The following C7orf57 variants were observed in gnomAD, a reference collection of about 807,000 sequenced individuals.
C7orf57 encodes chromosome 7 open reading frame 57.
C7orf57 carries 33 observed loss-of-function variants against 39.0 expected under a neutral mutation model. That is an observed-to-expected ratio of 0.85 (90% CI 0.64 to 1.13). The LOEUF is 1.13. Among genes scored for constraint, C7orf57 ranks in the 50% most tolerant of loss-of-function variants. The pLI is 0.00. For synonymous variants in C7orf57, 124 were observed against 137.1 expected, an observed-to-expected ratio of 0.90 and a Z score of 0.67; for missense variants, 346 against 362.3, an observed-to-expected ratio of 0.95 and a Z score of 0.37.
chr7:48,040,031 G>A (rs536512136), intron 2 of C7orf57, among the ~76,000 whole-genome samples: 6 of 152,072 alleles, frequency 3.9e-5, no homozygotes, highest in African/African-American at 1.4e-4. Flanking sequence ...AGTTGTCTGA[G>A]TGCCCCAGAT....
At position 48,052,906 on chromosome 7, in the gene C7orf57, G is replaced by T; in HGVS notation, c.812G>T (p.Gly271Val). 1 of 1,613,708 alleles carries T rather than the reference G, an allele frequency of 6.2e-7. No individual in the cohort carries two copies. The change falls in exon 7 of 9, where the codon GGT becomes GTT. Residue 271 changes from glycine (G) to valine (V), a missense_variant. Gly to Val is a moderately radical substitution (Grantham distance 109, BLOSUM62 -3). Transcript: ENST00000348904. Reference protein sequence around the residue: ...ARLQDAEASEGPEDTPESSQS... With the variant: ...ARLQDAEASEVPEDTPESSQS... ...CTCCAGGATGCAGAGGCTTCTGAAGGTCCTGAGGACACCCCAGGTGAGGCA... is the reference window on the plus strand; with the variant it reads ...CTCCAGGATGCAGAGGCTTCTGAAGTTCCTGAGGACACCCCAGGTGAGGCA...
rs1477337561 is a variant in C7orf57 at position 48,060,716 on chromosome 7, T to C, written c.*444T>C. ...GTTACAGAAAAATTTAACTCCAGAA[T>C]ATGGTGATACAGTTTATGTTAAGAA... is the stretch of plus-strand genomic sequence containing the variant. On this transcript the variant is annotated 3_prime_UTR_variant, in exon 9 of 9. Transcript: ENST00000348904. 1 of 152,644 alleles carries C rather than the reference T, an allele frequency of 6.6e-6. No individual in the cohort carries two copies. Among genetic ancestry groups the C allele is most frequent in the Non-Finnish European group, 1.5e-5 (1 of 68,326 alleles). 9.5% of individuals were successfully genotyped at this position (152,644 alleles called of 1,614,324 possible). A position where few individuals can be genotyped will look rare whatever the true frequency, so the allele number is the denominator to read the frequency against.
chr7:48,038,127 T>C (rs927930106), intron 2 of C7orf57, among the ~76,000 whole-genome samples: 2 of 152,230 alleles, frequency 1.3e-5, no homozygotes, highest in Non-Finnish European at 2.9e-5. Flanking sequence ...TTTTTTTCTT[T>C]CCTTTTCGAA....
At chr7:48,052,029 A>G (rs1790967231) in intron 6 of C7orf57, among the ~76,000 whole-genome samples, 1 of 141,456 alleles carries the variant, frequency 7.1e-6, no homozygotes, top group Admixed American at 7.5e-5. Context: ...GCTGGAGTGC[A>G]GTGGCACGAT....
At chr7:48,044,656 G>A (rs549419740) in intron 4 of C7orf57, among the ~76,000 whole-genome samples, 105 of 152,304 alleles carry the variant, frequency 6.9e-4, no homozygotes, top group Middle Eastern at 3.4e-3. Flanking sequence ...TCCTCCTGAT[G>A]TAGAAATAGC....
intron 4 of C7orf57, 30 bp from the exon 5 acceptor site, chr7:48,046,430 C>A: frequency 6.3e-7 from 1 of 1,597,990 alleles, no homozygotes; most frequent in East Asian, 2.3e-5. Flanking sequence ...GCTCTGAGCA[C>A]CAGGCTGTAA....
intron 7 of C7orf57, 115 bp from the exon 8 acceptor site, chr7:48,054,480 C>G: frequency 1.6e-6 from 1 of 608,226 alleles, no homozygotes. Context: ...TGTTTTATGA[C>G]TTATTGTTGT....
intron 5 of C7orf57, among the ~76,000 whole-genome samples, chr7:48,049,407 C>T (rs182672294): frequency 2.0e-3 from 298 of 152,260 alleles, no homozygotes; most frequent in African/African-American, 3.7e-3. Context: ...ACATTACATA[C>T]GCATGGCCAT....
chr7:48,042,161 C>T (rs1180509909), intron 3 of C7orf57, among the ~76,000 whole-genome samples: 1 of 152,156 alleles, frequency 6.6e-6, no homozygotes, highest in South Asian at 2.1e-4. Context: ...CTGCCATTAC[C>T]CCTGTGGGGA....
chr7:48,047,284 C>G (rs1790745308), intron 5 of C7orf57, among the ~76,000 whole-genome samples: 1 of 152,176 alleles, frequency 6.6e-6, no homozygotes, highest in Admixed American at 6.5e-5. Flanking sequence ...CACCAGGTCT[C>G]AGATTAGTCT....
chr7:48,050,032 C>T (rs1343358497), intron 6 of C7orf57, 55 bp downstream of exon 6: 7 of 1,206,346 alleles, frequency 5.8e-6, no homozygotes, highest in East Asian at 4.7e-5. Flanking sequence ...TTTGGCCTTC[C>T]GTCTTTCATC....
intron 4 of C7orf57, among the ~76,000 whole-genome samples, chr7:48,044,200 A>G (rs947668882): frequency 5.9e-5 from 9 of 152,044 alleles, no homozygotes; most frequent in Admixed American, 5.9e-4. Context: ...CCGGATCCGG[A>G]GAGGTGGAAA....
chr7:48,060,149 T>A, intron 8 of C7orf57, 77 bp from the exon 9 acceptor site: 1 of 979,244 alleles, frequency 1.0e-6, no homozygotes, highest in Non-Finnish European at 1.5e-6. Flanking sequence ...ATGTGTTTTC[T>A]TATATTTAAA....
chr7:48,037,749 CTGTG>C lies in C7orf57; in HGVS notation c.55+1403_55+1406del, dbSNP rs71006544. Among the ~76,000 whole-genome samples, 18 of 150,676 alleles carry C rather than the reference CTGTG, an allele frequency of 1.2e-4. No individual in the cohort carries two copies. The South Asian group carries it at 2.5e-3, about 21-fold the overall frequency. ...GATAACTCTTAGTCCCTTTAACCCT[CTGTG>C]TGTGTGTGTGTGTGTGCGCGCGCGT... On this transcript the variant is annotated intron_variant, in intron 2 of 8. Transcript: ENST00000348904.
rs571839708 is a variant in C7orf57, at chr7:48,058,159, T to G, written c.842-2067T>G. ...GGGAAATTGGCCTGTAATTTTCTTTTCTTATAGTGTCCTTGTCTGACTTTG... is the reference window on the plus strand; with the variant it reads ...GGGAAATTGGCCTGTAATTTTCTTTGCTTATAGTGTCCTTGTCTGACTTTG... On this transcript the variant is annotated intron_variant, in intron 8 of 8. Transcript: ENST00000348904. 3.9e-5 allele frequency among the ~76,000 whole-genome samples: 6 copies of G among 152,320 alleles called. No individual in the cohort carries two copies. The East Asian group carries it at 1.2e-3, about 29-fold the overall frequency.
chr7:48,048,764 C>T (rs1790789024), intron 5 of C7orf57, among the ~76,000 whole-genome samples: 1 of 126,766 alleles, frequency 7.9e-6, no homozygotes, highest in Middle Eastern at 3.5e-3. Flanking sequence ...CCCTTGCAAG[C>T]CCTGATCTGT....
chr7:48,040,104 A>G (rs1790504127), intron 2 of C7orf57, among the ~76,000 whole-genome samples: 1 of 151,820 alleles, frequency 6.6e-6, no homozygotes, highest in Non-Finnish European at 1.5e-5. Flanking sequence ...GATTTTGCCA[A>G]CTCACTTGAC....
chr7:48,043,352 C>A, intron 3 of C7orf57, 129 bp from the exon 4 acceptor site: 1 of 680,696 alleles, frequency 1.5e-6, no homozygotes, highest in Non-Finnish European at 2.5e-6. Flanking sequence ...TCTGTTAGTC[C>A]CTGGATCCCA....
intron 5 of C7orf57, among the ~76,000 whole-genome samples, chr7:48,049,250 C>G (rs1790804866): frequency 6.6e-6 from 1 of 152,244 alleles, no homozygotes; most frequent in African/African-American, 2.4e-5. Context: ...CTGTCTTTGA[C>G]TGCCACGCCG....
Sources: allele counts gnomAD v4.1 joint callset (sites outside exome capture counted in the v4.1 genomes callset), GRCh38; gene constraint gnomAD v4.1.1; transcripts MANE v1.5; gene names NCBI Gene and HGNC (gene_info 2026-07-23, HGNC 2026-07-21).